The following LRIG1 variants were observed in gnomAD, a reference collection of about 807,000 sequenced individuals.
LRIG1 encodes the protein leucine rich repeats and immunoglobulin like domains 1.
LRIG1 carries 48 observed loss-of-function variants against 99.2 expected under a neutral mutation model. The ratio of observed to expected loss-of-function variants is 0.48; its 90% CI spans 0.38 to 0.62. The LOEUF (loss-of-function observed/expected upper bound fraction) is 0.62, where lower values mean the gene tolerates loss of function less well. Among genes scored for constraint, LRIG1 ranks in the 20% least tolerant of loss-of-function variants. The pLI is 0.00. For synonymous variants in LRIG1, 772 were observed against 596.1 expected (o/e 1.29, Z -4.30); for missense variants, 1,646 against 1,434.4 (o/e 1.15, Z -2.38).
At chr3:66,436,157 T>C (rs1363235491) in intron 3 of LRIG1, among the ~76,000 whole-genome samples, 1 of 152,212 alleles carries the variant, frequency 6.6e-6, no homozygotes, top group Non-Finnish European at 1.5e-5. Flanking sequence ...TTGCCTGGCA[T>C]CAGGGGTTGT....
intron 3 of LRIG1, among the ~76,000 whole-genome samples, chr3:66,434,594 A>T (rs1384394073): frequency 6.6e-6 from 1 of 152,074 alleles, no homozygotes; most frequent in Non-Finnish European, 1.5e-5. Flanking sequence ...TAAAAATACA[A>T]AAATTAGCCA....
chr3:66,387,740 T>G (rs978997033), intron 12 of LRIG1: 2 of 151,998 alleles, frequency 1.3e-5, no homozygotes, highest in Non-Finnish European at 2.9e-5. Context: ...CTAAATAAAC[T>G]TTTTAAATCG....
At chr3:66,449,883 T>G (rs926327787) in intron 3 of LRIG1, among the ~76,000 whole-genome samples, 1 of 152,196 alleles carries the variant, frequency 6.6e-6, no homozygotes, top group African/African-American at 2.4e-5. Flanking sequence ...CCAGGGCCCT[T>G]GTTAAATGGA....
At chr3:66,427,792 T>C (rs1055972333) in intron 3 of LRIG1, among the ~76,000 whole-genome samples, 6 of 152,206 alleles carry the variant, frequency 3.9e-5, no homozygotes, top group African/African-American at 1.2e-4. Flanking sequence ...TCCTCCTGTC[T>C]CCTGGTTGTT....
chr3:66,381,551 C>T lies in LRIG1; in HGVS notation c.2698G>A (p.Gly900Arg). 2 of 1,614,142 alleles carry T rather than the reference C, an allele frequency of 1.2e-6. No homozygotes were observed. Among genetic ancestry groups the T allele is most frequent in the Non-Finnish European group, 1.7e-6 (2 of 1,179,996 alleles). Residue 900 changes from glycine (G) to arginine (R), a missense_variant, in exon 17 of 19, where the codon GGG (glycine) becomes AGG (arginine). Physicochemically the swap from Gly to Arg is moderately radical, Grantham distance 125. Coordinates refer to ENST00000273261, the MANE Select transcript of LRIG1 (RefSeq NM_015541.3). The stretch of plus-strand genomic sequence containing the variant: ...CACGGCTCTTTGTGATACGCAGACC[C>T]AGCACAGAGCTTTGGCTGCCTGCAG... ...VACRQPKLCA[G>R]SAYHKEPWKA...
intron 2 of LRIG1, among the ~76,000 whole-genome samples, chr3:66,454,783 C>T (rs1437059726): frequency 6.6e-6 from 1 of 152,122 alleles, no homozygotes; most frequent in Non-Finnish European, 1.5e-5. Flanking sequence ...CCTTCTGGTC[C>T]CTCACCTTTC....
chr3:66,419,303 T>C (rs898686704), intron 3 of LRIG1, among the ~76,000 whole-genome samples: 8 of 152,082 alleles, frequency 5.3e-5, no homozygotes, highest in Non-Finnish European at 1.0e-4. Context: ...CCGGTACCTT[T>C]TGCTCCTTGT....
At chr3:66,453,126 A>G (rs1022695197) in intron 2 of LRIG1, among the ~76,000 whole-genome samples, 1 of 152,236 alleles carries the variant, frequency 6.6e-6, no homozygotes, top group Non-Finnish European at 1.5e-5. Flanking sequence ...TAAATTTTTC[A>G]TAGTACCCAT....
At chr3:66,452,091 G>A (rs1362489337) in intron 2 of LRIG1, among the ~76,000 whole-genome samples, 1 of 152,158 alleles carries the variant, frequency 6.6e-6, no homozygotes, top group African/African-American at 2.4e-5. Flanking sequence ...TGGGACACAT[G>A]GGGCCAATTA....
chr3:66,480,089 A>T (rs4856819), intron 1 of LRIG1, among the ~76,000 whole-genome samples: 114,687 of 152,226 alleles, frequency 0.75, 49,922 homozygotes, highest in Non-Finnish European at 0.96. Flanking sequence ...GTGGATAAAG[A>T]AAATACAGTC....
At chr3:66,428,906 A>G (rs1274938976) in intron 3 of LRIG1, among the ~76,000 whole-genome samples, 1 of 152,224 alleles carries the variant, frequency 6.6e-6, no homozygotes, top group Non-Finnish European at 1.5e-5. Context: ...GTGAATCACC[A>G]GTTCCCTGGG....
intron 8 of LRIG1, chr3:66,405,881 G>C: frequency 9.3e-7 from 1 of 1,075,420 alleles, no homozygotes; most frequent in Non-Finnish European, 1.1e-6. Context: ...GAGGGATGAG[G>C]CCAACTCAGC....
chr3:66,485,623 T>C (rs574587080), intron 1 of LRIG1, among the ~76,000 whole-genome samples: 2 of 152,362 alleles, frequency 1.3e-5, no homozygotes, highest in African/African-American at 2.4e-5. Flanking sequence ...TGTTTATAAA[T>C]AGTTTACTTT....
At chr3:66,429,964 G>C (rs531162067) in intron 3 of LRIG1, among the ~76,000 whole-genome samples, 12 of 152,312 alleles carry the variant, frequency 7.9e-5, no homozygotes, top group African/African-American at 2.9e-4. Flanking sequence ...AGTCTCGACT[G>C]GGTAGAATAT....
chr3:66,434,274 C>CA (rs1478168893), intron 3 of LRIG1, among the ~76,000 whole-genome samples: 4 of 152,054 alleles, frequency 2.6e-5, no homozygotes, highest in African/African-American at 9.6e-5. Flanking sequence ...AAAAAACAAC[C>CA]AAAAAATCCA....
intron 3 of LRIG1, among the ~76,000 whole-genome samples, chr3:66,449,246 T>G (rs753551445): frequency 1.3e-5 from 2 of 152,190 alleles, no homozygotes; most frequent in South Asian, 4.1e-4. Context: ...TTGCCAGCAC[T>G]GAATCCAGGC....
At chr3:66,434,504 T>C (rs1417812144) in intron 3 of LRIG1, among the ~76,000 whole-genome samples, 1 of 152,142 alleles carries the variant, frequency 6.6e-6, no homozygotes, top group Non-Finnish European at 1.5e-5. Flanking sequence ...CCCAGTACTT[T>C]GGGAGGCTGA....
intron 1 of LRIG1, among the ~76,000 whole-genome samples, chr3:66,483,723 C>T (rs1700902896): frequency 6.6e-6 from 1 of 152,212 alleles, no homozygotes; most frequent in Admixed American, 6.5e-5. Context: ...GCAGTGTCAA[C>T]TCTGGAAAAG....
In LRIG1 at chr3:66,380,101, G is replaced by T; in HGVS notation, c.*162C>A. 5 of 584,368 alleles carry T rather than the reference G, an allele frequency of 8.6e-6. No homozygotes were observed. Among genetic ancestry groups the T allele is most frequent in the African/African-American group, 3.7e-5 (2 of 53,950 alleles). The allele number at this position is 584,368 out of a possible 1,614,324, so 36.2% of individuals were successfully genotyped here. A position where few individuals can be genotyped will look rare whatever the true frequency, so the allele number is the denominator to read the frequency against. ...CTTTTGTACACAAATCCCCTCTTGC[G>T]TTTACTGTGCTTCAGATCCAAGTCC... On this transcript the variant is annotated 3_prime_UTR_variant, in exon 19 of 19. Transcript: ENST00000273261.
Sources: gnomAD v4.1 joint callset for allele counts (sites outside exome capture counted in the v4.1 genomes callset) on GRCh38, gnomAD v4.1.1 for gene constraint, MANE v1.5 for transcripts, NCBI Gene and HGNC (gene_info 2026-07-23, HGNC 2026-07-21) for gene names.